The following APBB2 variants were observed in gnomAD, a reference collection of about 807,000 sequenced individuals.
APBB2 encodes Fe65-like 1.
Under a neutral mutation model 82.5 loss-of-function variants are expected in APBB2, and 38 were observed. The observed-to-expected ratio is 0.46, with a 90% CI of 0.36 to 0.60. APBB2 has a LOEUF of 0.60. Ranked by LOEUF, APBB2 falls within the 20% of genes least tolerant of loss-of-function variation. The probability of loss-of-function intolerance (pLI) is 0.00; values close to 1 mark genes in which losing one functional copy is unlikely to be tolerated. For synonymous variants in APBB2, 341 were observed against 368.2 expected, an observed-to-expected ratio of 0.93 and a Z score of 0.85; for missense variants, 772 against 972.3, an observed-to-expected ratio of 0.79 and a Z score of 2.74.
chr4:41,052,351 G>A (rs985952129), intron 4 of APBB2, among the ~76,000 whole-genome samples: 1 of 152,060 alleles, frequency 6.6e-6, no homozygotes, highest in Non-Finnish European at 1.5e-5. Context: ...GACATAAGCC[G>A]TTCTTCTCCT....
chr4:41,028,721 T>C (rs1049689350), intron 5 of APBB2, among the ~76,000 whole-genome samples: 1 of 151,084 alleles, frequency 6.6e-6, no homozygotes, highest in Non-Finnish European at 1.5e-5. Context: ...ATACACAAAG[T>C]ATTTTTTATG....
At chr4:41,073,651 C>T (rs1446003039) in intron 3 of APBB2, among the ~76,000 whole-genome samples, 1 of 152,088 alleles carries the variant, frequency 6.6e-6, no homozygotes, top group Admixed American at 6.5e-5. Flanking sequence ...ACTCTCTTAA[C>T]AAATAATTTT....
At chr4:40,864,519 T>A (rs1170006746) in intron 12 of APBB2, among the ~76,000 whole-genome samples, 1 of 151,998 alleles carries the variant, frequency 6.6e-6, no homozygotes, top group African/African-American at 2.4e-5. Flanking sequence ...TGGCCTGGAG[T>A]CTTCCTGTTC....
chr4:40,849,976 G>A (rs371758939), intron 12 of APBB2, among the ~76,000 whole-genome samples: 4 of 152,174 alleles, frequency 2.6e-5, no homozygotes, highest in East Asian at 3.9e-4. Context: ...CGCCCGCCTC[G>A]GCCTCCCAAA....
chr4:40,853,073 C>G (rs2154327829), intron 12 of APBB2, among the ~76,000 whole-genome samples: 1 of 152,244 alleles, frequency 6.6e-6, no homozygotes, highest in Middle Eastern at 3.4e-3. Context: ...TCAAAGAAAT[C>G]AGGTATGGTC....
rs137914098 is a variant in APBB2, at chr4:40,832,831, G to C, written c.1530-2254C>G. Among the ~76,000 whole-genome samples, 5 of 152,178 alleles carry C rather than the reference G, an allele frequency of 3.3e-5. No homozygotes were observed. The South Asian group carries it at 6.2e-4, about 19-fold the overall frequency. On this transcript the variant is annotated intron_variant, in intron 12 of 17. Transcript: ENST00000508593. The surrounding 1 kb of genome is among the most constrained non-coding windows in gnomAD (Gnocchi z 4.8). The stretch of plus-strand genomic sequence containing the variant: ...TCCCAGCGTCTAGTTCAGGCCTGGC[G>C]TATCACCGGTACTAATACATGTTTG...
intron 6 of APBB2, among the ~76,000 whole-genome samples, chr4:40,954,921 G>A (rs948336992): frequency 3.3e-5 from 5 of 152,164 alleles, no homozygotes; most frequent in Non-Finnish European, 5.9e-5. Context: ...TAAGTACTGA[G>A]ATTACAGGCA....
At chr4:41,126,732 T>G (rs890518777) in intron 2 of APBB2, among the ~76,000 whole-genome samples, 1 of 152,190 alleles carries the variant, frequency 6.6e-6, no homozygotes, top group Middle Eastern at 3.2e-3. Context: ...CTCCTTGGCT[T>G]GTAGAGAGCC....
chr4:41,143,673 A>C (rs575758063), intron 1 of APBB2, among the ~76,000 whole-genome samples: 2 of 152,360 alleles, frequency 1.3e-5, no homozygotes, highest in East Asian at 3.9e-4. Context: ...GGGGGCTATA[A>C]AAAATTCTAA....
intron 5 of APBB2, among the ~76,000 whole-genome samples, chr4:41,016,594 T>C (rs1810016993): frequency 1.3e-5 from 2 of 151,862 alleles, no homozygotes; most frequent in Admixed American, 6.6e-5. Flanking sequence ...GAGGTTGCAG[T>C]GAGACGAGAT....
intron 1 of APBB2, among the ~76,000 whole-genome samples, chr4:41,166,152 G>C (rs1351664452): frequency 6.7e-6 from 1 of 149,110 alleles, no homozygotes; most frequent in Non-Finnish European, 1.5e-5. Context: ...GGGATTACAG[G>C]GTCAGGCCCC....
chr4:40,903,147 T>G (rs955632430), intron 10 of APBB2, among the ~76,000 whole-genome samples: 1 of 151,514 alleles, frequency 6.6e-6, no homozygotes, highest in Non-Finnish European at 1.5e-5. Context: ...ATACTCCATC[T>G]CTAAAAAAAA....
chr4:41,098,089 T>A (rs1744174281), intron 3 of APBB2, among the ~76,000 whole-genome samples: 1 of 150,866 alleles, frequency 6.6e-6, no homozygotes, highest in South Asian at 2.1e-4. Context: ...TGCAGTACAC[T>A]TCTGCATTAT....
intron 3 of APBB2, among the ~76,000 whole-genome samples, chr4:41,070,571 G>A (rs1363184681): frequency 6.6e-6 from 1 of 152,096 alleles, no homozygotes; most frequent in Non-Finnish European, 1.5e-5. Context: ...CAAAGTGCTG[G>A]GACTACAGGC....
chr4:40,852,599 G>A (rs1167388902), intron 12 of APBB2, among the ~76,000 whole-genome samples: 14 of 150,784 alleles, frequency 9.3e-5, no homozygotes, highest in Non-Finnish European at 1.5e-5. Context: ...GGATGGATAC[G>A]TCTGCTCATC....
At chr4:41,159,893 G>GAA (rs1209483563) in intron 1 of APBB2, among the ~76,000 whole-genome samples, 2 of 92,590 alleles carry the variant, frequency 2.2e-5, no homozygotes, top group African/African-American at 9.2e-5. Flanking sequence ...AAAAAAAAAA[G>GAA]GAAGAAGAAG....
intron 1 of APBB2, among the ~76,000 whole-genome samples, chr4:41,145,918 G>A (rs887169787): frequency 2.0e-5 from 3 of 152,172 alleles, no homozygotes; most frequent in South Asian, 2.1e-4. Flanking sequence ...TGCCAGGCAC[G>A]GTGACTCATA....
rs1755831856 is a variant in APBB2 at position 41,131,058 on chromosome 4, CA to C, written c.-261+11928del. Among the ~76,000 whole-genome samples the C allele has an allele frequency of 2.6e-5, 4 of 152,140 alleles. No homozygotes were observed. The South Asian group carries it at 8.3e-4, about 32-fold the overall frequency. The stretch of plus-strand genomic sequence containing the variant: ...CATCACAGCAAAACATGCGAGAGTA[CA>C]ATGTTTTAATTTTTTAATGTGTTTC... On this transcript the variant is annotated intron_variant, in intron 2 of 17. Transcript: ENST00000508593.
At chr4:41,144,723 C>G (rs1294855245) in intron 1 of APBB2, among the ~76,000 whole-genome samples, 1 of 152,216 alleles carries the variant, frequency 6.6e-6, no homozygotes. Context: ...TTCTTTTTTA[C>G]TCTGCAAACT....
Sources: gnomAD v4.1 joint callset for allele counts (sites outside exome capture counted in the v4.1 genomes callset) on GRCh38, gnomAD v4.1.1 for gene constraint, Gnocchi (gnomAD v3.1) non-coding constraint, MANE v1.5 for transcripts, NCBI Gene and HGNC (gene_info 2026-07-23, HGNC 2026-07-21) for gene names.